Variants in CCDC186 observed in about 807,000 individuals in gnomAD.
The protein encoded by CCDC186 is coiled-coil domain-containing protein 186.
In CCDC186, 49 loss-of-function variants were observed where a neutral mutation model predicts 113.7. The observed-to-expected ratio is 0.43, with a 90% CI of 0.34 to 0.55. CCDC186 has a LOEUF of 0.55. Among genes scored for constraint, CCDC186 ranks in the 20% least tolerant of loss-of-function variants. CCDC186 has a pLI of 0.02. For synonymous variants in CCDC186, 355 were observed against 345.8 expected, an observed-to-expected ratio of 1.03 and a Z score of -0.30; for missense variants, 890 against 1,011.1, an observed-to-expected ratio of 0.88 and a Z score of 1.62.
chr10:114,132,055 G>C lies in CCDC186; in HGVS notation c.1785C>G (p.Leu595=), dbSNP rs766364066. 8.1e-6 allele frequency: 13 copies of C among 1,613,422 alleles called. No individual in the cohort carries two copies. The highest frequency in any genetic ancestry group is 1.7e-5 in the Admixed American group (1 of 59,988). ...ACTGAAGCTGTGCATTCTTACTAGT[G>C]AGCCTTTCTGTAAACAGCAGCAGCT... ...ESELLLFTER[L]TSKNAQLQSE... is the part of the protein sequence containing the mutation. Residue 595 remains leucine (L), a synonymous_variant, in exon 11 of 16, where the codon CTC becomes CTG. Coordinates refer to ENST00000369287, the MANE Select transcript of CCDC186 (RefSeq NM_018017.4).
chr10:114,139,711 C>G (rs1477622371), intron 6 of CCDC186, among the ~76,000 whole-genome samples: 1 of 151,276 alleles, frequency 6.6e-6, no homozygotes, highest in East Asian at 1.9e-4. Context: ...AAACTTAGTA[C>G]CACTTTTAAA....
Position 114,137,171 on chromosome 10 carries a change from A to T in CCDC186, c.1326+15T>A, listed in dbSNP as rs1367905765. 2 of 1,568,652 alleles carry T rather than the reference A, an allele frequency of 1.3e-6. No homozygotes were observed. Among genetic ancestry groups the T allele is most frequent in the Non-Finnish European group, 1.8e-6 (2 of 1,141,376 alleles). ...CTAAAATTTGATACTAATCTATTTT[A>T]AAAGTTATGCATACCTGATATGTTT... On this transcript the variant is annotated intron_variant, in intron 7 of 15. Transcript: ENST00000369287.
intron 1 of CCDC186, chr10:114,173,084 A>G (rs898400164): frequency 2.6e-6 from 1 of 380,230 alleles, no homozygotes; most frequent in Admixed American, 3.2e-5. Flanking sequence ...TTTTGGAAGA[A>G]AAAAAAGCTG....
At chr10:114,132,817 G>C (rs1262260152) in intron 10 of CCDC186, among the ~76,000 whole-genome samples, 1 of 152,168 alleles carries the variant, frequency 6.6e-6, no homozygotes, top group Non-Finnish European at 1.5e-5. Context: ...GCTTCTTGTT[G>C]GTCCTAACAG....
At chr10:114,155,574 C>G (rs1459352422) in intron 3 of CCDC186, among the ~76,000 whole-genome samples, 4 of 152,062 alleles carry the variant, frequency 2.6e-5, no homozygotes, top group Non-Finnish European at 5.9e-5. Context: ...TCTCAGGAGG[C>G]TGAGGCAGAA....
intron 1 of CCDC186, chr10:114,165,868 G>T: frequency 7.2e-6 from 4 of 554,440 alleles, no homozygotes; most frequent in Non-Finnish European, 8.4e-6. Context: ...AAAAAGTAAG[G>T]AGAGGGAGCA....
intron 6 of CCDC186, among the ~76,000 whole-genome samples, chr10:114,142,862 A>C (rs944758794): frequency 9.9e-5 from 15 of 152,246 alleles, no homozygotes; most frequent in Non-Finnish European, 1.5e-4. Flanking sequence ...CTCAAGAGGT[A>C]GACTATAATA....
rs1564904235 is a variant in CCDC186, at chr10:114,127,668, G to T, written c.2186C>A (p.Ser729Tyr). 1.2e-6 allele frequency: 2 copies of T among 1,612,166 alleles called. No individual in the cohort carries two copies. The highest frequency in any genetic ancestry group is 1.7e-6 in the Non-Finnish European group (2 of 1,179,494). ...SMGSRSSSSG[S>Y]LNARSSAEDR... is the part of the protein sequence containing the mutation. Reference sequence around the variant, plus strand: ...TTCTGCACTGCTTCGAGCATTCAGGGACCCTGAAGACAAAAAAAATTGGTT... The same window carrying T: ...TTCTGCACTGCTTCGAGCATTCAGGTACCCTGAAGACAAAAAAAATTGGTT... The change falls in exon 14 of 16, where the codon TCC (serine) becomes TAC (tyrosine). Residue 729 changes from serine (S) to tyrosine (Y), a missense_variant. By Grantham distance (144) the Ser-to-Tyr change is moderately radical. Transcript: ENST00000369287.
At chr10:114,164,111 T>C (rs1305432235) in intron 1 of CCDC186, among the ~76,000 whole-genome samples, 2 of 130,114 alleles carry the variant, frequency 1.5e-5, no homozygotes, top group East Asian at 2.0e-4. Context: ...TGTATATATA[T>C]ATATTTTTTT....
chr10:114,133,730 C>G (rs550898394), intron 10 of CCDC186, among the ~76,000 whole-genome samples: 1 of 152,144 alleles, frequency 6.6e-6, no homozygotes, highest in South Asian at 2.1e-4. Flanking sequence ...AATGTGTCTA[C>G]CATATGCAGG....
At position 114,157,623 on chromosome 10, in the gene CCDC186, T is replaced by C; in HGVS notation, c.690A>G (p.Lys230=). Residue 230 remains lysine (K), a synonymous_variant, in exon 3 of 16, where the codon AAA becomes AAG. Coordinates refer to ENST00000369287, the MANE Select transcript of CCDC186 (RefSeq NM_018017.4). ...TCTTTAGTTCTTCTCTTAAATTGTCTTTTTCTGAACAAATGTCTACGAAGA... is the reference window on the plus strand; with the variant it reads ...TCTTTAGTTCTTCTCTTAAATTGTCCTTTTCTGAACAAATGTCTACGAAGA... The part of the protein sequence containing the change: ...QELFVDICSE[K]DNLREELKKR... 1 of 1,610,218 alleles carries C rather than the reference T, an allele frequency of 6.2e-7. No individual in the cohort carries two copies. The highest frequency in any genetic ancestry group is 8.5e-7 in the Non-Finnish European group (1 of 1,178,394).
At chr10:114,167,027 T>G (rs1397135192) in intron 1 of CCDC186, among the ~76,000 whole-genome samples, 5 of 151,428 alleles carry the variant, frequency 3.3e-5, no homozygotes, top group East Asian at 1.9e-4. Context: ...TTTTTTTTTT[T>G]TTTTTTTTTT....
At chr10:114,144,065 T>G (rs1564910479) in intron 6 of CCDC186, among the ~76,000 whole-genome samples, 1 of 151,992 alleles carries the variant, frequency 6.6e-6, no homozygotes, top group Non-Finnish European at 1.5e-5. Flanking sequence ...AGAATGTATA[T>G]TTTTTGAGTA....
At chr10:114,153,088 G>A (rs1256906101) in intron 3 of CCDC186, among the ~76,000 whole-genome samples, 1 of 152,110 alleles carries the variant, frequency 6.6e-6, no homozygotes, top group African/African-American at 2.4e-5. Flanking sequence ...ACAGAAATAG[G>A]AGACTTAAAC....
At chr10:114,141,627 TAAC>T (rs1314149885) in intron 6 of CCDC186, among the ~76,000 whole-genome samples, 1 of 151,848 alleles carries the variant, frequency 6.6e-6, no homozygotes, top group Non-Finnish European at 1.5e-5. Context: ...TTTCCTCTCT[TAAC>T]ACACACACAC....
Position 114,135,997 on chromosome 10 carries a change from AAAC to A in CCDC186, c.1426-23_1426-21del. ...ATGCATCTTTAAAAAAGTTTAAAAG[AAAC>A]AACAAATCATAATGTGCTAAACTAT... is the stretch of plus-strand genomic sequence containing the variant. On this transcript the variant is annotated intron_variant, in intron 8 of 15. Transcript: ENST00000369287. 6.3e-7 allele frequency: 1 copy of A among 1,594,178 alleles called. No individual in the cohort carries two copies. The highest frequency in any genetic ancestry group is 2.2e-5 in the East Asian group (1 of 44,624).
chr10:114,167,331 A>G (rs1169514139), intron 1 of CCDC186, among the ~76,000 whole-genome samples: 2 of 152,168 alleles, frequency 1.3e-5, no homozygotes, highest in Non-Finnish European at 2.9e-5. Context: ...TTTGGCAGCC[A>G]AAGGAAAAGG....
intron 6 of CCDC186, among the ~76,000 whole-genome samples, 164 bp from the exon 7 acceptor site, chr10:114,137,454 G>C (rs2031301391): frequency 6.6e-6 from 1 of 152,146 alleles, no homozygotes; most frequent in African/African-American, 2.4e-5. Flanking sequence ...AAAATGATCT[G>C]TAGAGTTAAC....
chr10:114,163,706 C>T (rs191441970), intron 1 of CCDC186, among the ~76,000 whole-genome samples: 6 of 152,214 alleles, frequency 3.9e-5, no homozygotes, highest in African/African-American at 1.2e-4. Context: ...AAAAGACTAC[C>T]TCATAAATCT....
Sources: gnomAD v4.1 joint callset for allele counts (sites outside exome capture counted in the v4.1 genomes callset) on GRCh38, gnomAD v4.1.1 for gene constraint, MANE v1.5 for transcripts, NCBI Gene and HGNC (gene_info 2026-07-23, HGNC 2026-07-21) for gene names.